The following USP30 variants were observed in gnomAD, a reference collection of about 807,000 sequenced individuals.
The protein encoded by USP30 is ubiquitin specific peptidase 30, also known as ubiquitin carboxyl-terminal hydrolase 30.
In USP30, 41 loss-of-function variants were observed where a neutral mutation model predicts 68.2. The ratio of observed to expected loss-of-function variants is 0.60; its 90% CI spans 0.47 to 0.78. The LOEUF is 0.78. USP30 is among the 30% of genes least tolerant of loss of function. USP30 has a pLI of 0.00. For missense variants in USP30, 522 were observed against 649.4 expected, an observed-to-expected ratio of 0.80 and a Z score of 2.13; for synonymous variants, 229 against 253.7, an observed-to-expected ratio of 0.90 and a Z score of 0.93.
chr12:109,028,824 C>T (rs1389284386), intron 3 of USP30, among the ~76,000 whole-genome samples: 1 of 152,138 alleles, frequency 6.6e-6, no homozygotes, highest in South Asian at 2.1e-4. Context: ...TACTCATCAC[C>T]ACAGCAATGG....
chr12:109,067,470 GGTTA>G (rs1422739512), intron 3 of USP30, 50 bp from the exon 4 acceptor site: 19 of 1,493,196 alleles, frequency 1.3e-5, no homozygotes, highest in East Asian at 2.3e-5. Flanking sequence ...CAAGTTTTCT[GGTTA>G]GTTGTTATGC....
intron 3 of USP30, among the ~76,000 whole-genome samples, chr12:109,033,912 G>C (rs892760229): frequency 1.3e-5 from 2 of 152,122 alleles, no homozygotes; most frequent in African/African-American, 4.8e-5. Flanking sequence ...AATAACTAGG[G>C]AGGCCAAAAA....
intron 7 of USP30, among the ~76,000 whole-genome samples, 181 bp from the exon 8 acceptor site, chr12:109,081,153 C>T (rs943392405): frequency 1.3e-5 from 2 of 152,144 alleles, no homozygotes; most frequent in African/African-American, 4.8e-5. Flanking sequence ...TATTGTACCT[C>T]TTATGTGTAC....
chr12:109,079,922 C>T (rs769361238), intron 7 of USP30, among the ~76,000 whole-genome samples: 8 of 152,136 alleles, frequency 5.3e-5, no homozygotes, highest in Non-Finnish European at 1.0e-4. Flanking sequence ...GTATGCTTAA[C>T]ATCATAATAG....
chr12:109,043,109 T>A (rs537438790), intron 3 of USP30, among the ~76,000 whole-genome samples: 1 of 152,236 alleles, frequency 6.6e-6, no homozygotes, highest in South Asian at 2.1e-4. Flanking sequence ...GAAGACATAA[T>A]GGAAACACAT....
intron 4 of USP30, among the ~76,000 whole-genome samples, chr12:109,067,875 T>A (rs976051706): frequency 7.2e-5 from 11 of 152,122 alleles, no homozygotes; most frequent in African/African-American, 2.7e-4. Context: ...AAGAGCAAAA[T>A]CTTTTTAGTT....
Position 109,085,848 on chromosome 12 carries a change from T to A in USP30, c.1471T>A (p.Ser491Thr). 1 of 1,614,234 alleles carries A rather than the reference T, an allele frequency of 6.2e-7. No individual in the cohort carries two copies. Among genetic ancestry groups the A allele is most frequent in the African/African-American group, 1.3e-5 (1 of 75,060 alleles). ...VRKASLQEVL[S>T]SSAYLLFYER... ...CAAGGCCAGCCTGCAGGAGGTCCTG[T>A]CCTCCAGCGCCTACCTGCTGTTCTA... is the stretch of plus-strand genomic sequence containing the variant. Residue 491 changes from serine (S) to threonine (T), a missense_variant, in exon 13 of 13, where the codon TCC becomes ACC. Transcript: ENST00000257548.
In USP30 at chr12:109,085,797, C is replaced by T; in HGVS notation, c.1420C>T (p.Leu474=). The T allele has an allele frequency of 6.2e-7, 1 of 1,614,236 alleles. No homozygotes were observed. The highest frequency in any genetic ancestry group is 8.5e-7 in the Non-Finnish European group (1 of 1,180,046). Residue 474 remains leucine (L), a synonymous_variant, in exon 13 of 13, where the codon CTG becomes TTG. Transcript: ENST00000257548. ...RNPLSTSNQW[L]WVSDDTVRKA... ...CCCTCTCTCAACTAGCAATCAGTGG[C>T]TGTGGGTCTCCGATGACACTGTCCG...
intron 3 of USP30, among the ~76,000 whole-genome samples, chr12:109,045,484 G>A (rs998543656): frequency 6.6e-5 from 10 of 152,084 alleles, no homozygotes; most frequent in East Asian, 1.9e-4. Flanking sequence ...GGCTCAGGTC[G>A]GAGGCAGAAT....
At chr12:109,067,131 T>TG (rs2041280441) in intron 3 of USP30, among the ~76,000 whole-genome samples, 1 of 138,834 alleles carries the variant, frequency 7.2e-6, no homozygotes, top group African/African-American at 2.6e-5. Context: ...TTTTTTTTTT[T>TG]GAGATGGAGC....
intron 1 of USP30, among the ~76,000 whole-genome samples, chr12:109,055,121 A>G (rs1232736496): frequency 6.6e-6 from 1 of 152,002 alleles, no homozygotes; most frequent in African/African-American, 2.4e-5. Flanking sequence ...TTGTAGAAAT[A>G]TATAACTTTG....
In USP30 at chr12:109,058,079, T is replaced by G. The variant is rs2040931892; in HGVS notation, c.347T>G (p.Leu116Ter). The change falls in exon 3 of 13, where the codon TTA becomes TGA. Residue 116 changes from leucine to a stop codon, truncating the protein, a stop_gained. Transcript: ENST00000257548. LOFTEE classifies it high-confidence loss of function. Reference sequence around the variant, plus strand: ...AAGGAGCCCCCCTCACACCAGTATTTATCCTTAACACTCTTGCACCTTCTG... The same window carrying G: ...AAGGAGCCCCCCTCACACCAGTATTGATCCTTAACACTCTTGCACCTTCTG... Reference protein sequence around the residue: ...DQKEPPSHQYLSLTLLHLLKA... With the variant: ...DQKEPPSHQY The G allele has an allele frequency of 1.2e-6, 2 of 1,613,470 alleles. No homozygotes were observed. The highest frequency in any genetic ancestry group is 1.3e-5 in the African/African-American group (1 of 74,862).
At chr12:109,057,868 G>A in intron 2 of USP30, 58 bp from the exon 3 acceptor site, 1 of 1,542,818 alleles carries the variant, frequency 6.5e-7, no homozygotes, top group Non-Finnish European at 8.8e-7. Context: ...TCCCACATGG[G>A]AGAGAAATTG....
chr12:109,040,407 G>A (rs1276923957), intron 3 of USP30, among the ~76,000 whole-genome samples: 1 of 152,158 alleles, frequency 6.6e-6, no homozygotes, highest in Non-Finnish European at 1.5e-5. Flanking sequence ...CACATTTTGA[G>A]GAACATTGCT....
upstream of USP30, among the ~76,000 whole-genome samples, chr12:109,048,614 C>A (rs1483762572): frequency 6.6e-5 from 10 of 151,668 alleles, no homozygotes; most frequent in East Asian, 1.4e-3. Context: ...GTGGCACGCA[C>A]CTGAAGTCCC....
chr12:109,037,823 C>A (rs2040532344), intron 3 of USP30, among the ~76,000 whole-genome samples: 1 of 152,080 alleles, frequency 6.6e-6, no homozygotes, highest in Non-Finnish European at 1.5e-5. Flanking sequence ...GAAAACTCTG[C>A]CTTAGGCTTC....
chr12:109,046,448 C>T (rs958366339), intron 3 of USP30, among the ~76,000 whole-genome samples: 2 of 150,104 alleles, frequency 1.3e-5, no homozygotes, highest in Non-Finnish European at 3.0e-5. Context: ...TTCAGGCCTT[C>T]AATTAATTGG....
Position 109,052,639 on chromosome 12 carries a change from G to GCGGCGT in USP30, c.-40_-39insCGGCGT, listed in dbSNP as rs2135692291. ...CCTCGGTCCGGCGGCGGCGGCGGCG[G>GCGGCGT]TAGCGGAGGAGACGGTTTCAGGCCT... On this transcript the variant is annotated 5_prime_UTR_variant, in exon 1 of 13. Coordinates refer to ENST00000257548, the MANE Select transcript of USP30 (RefSeq NM_032663.5). 1 of 1,461,928 alleles carries GCGGCGT rather than the reference G, an allele frequency of 6.8e-7. No individual in the cohort carries two copies. The allele number at this position is 1,461,928 out of a possible 1,614,324, so 90.6% of individuals were successfully genotyped here. A position where few individuals can be genotyped will look rare whatever the true frequency, so the allele number is the denominator to read the frequency against.
chr12:109,061,506 C>T (rs1157254777), intron 3 of USP30, among the ~76,000 whole-genome samples: 1 of 151,764 alleles, frequency 6.6e-6, no homozygotes, highest in Non-Finnish European at 1.5e-5. Flanking sequence ...CCTCCCAGGC[C>T]CAAAACAATC....
Sources: gnomAD v4.1 joint callset for allele counts (sites outside exome capture counted in the v4.1 genomes callset) on GRCh38, gnomAD v4.1.1 for gene constraint, MANE v1.5 for transcripts, NCBI Gene and HGNC (gene_info 2026-07-23, HGNC 2026-07-21) for gene names.